Variants in RBFOX1 observed in about 807,000 individuals in gnomAD.
The protein encoded by RBFOX1 is RNA binding protein fox-1 homolog 1.
Under a neutral mutation model 57.7 loss-of-function variants are expected in RBFOX1, and 8 were observed. That is an observed-to-expected ratio of 0.14 (90% CI 0.08 to 0.25). The LOEUF is 0.25. Among genes scored for constraint, RBFOX1 ranks in the 10% least tolerant of loss-of-function variants. The pLI is 1.00. For synonymous variants in RBFOX1, 326 were observed against 222.4 expected (o/e 1.47, Z -4.15); for missense variants, 611 against 548.5 (o/e 1.11, Z -1.14).
intron 3 of RBFOX1, among the ~76,000 whole-genome samples, chr16:6,965,549 C>G (rs1226141571): frequency 2.0e-5 from 3 of 152,112 alleles, no homozygotes; most frequent in African/African-American, 4.8e-5. Flanking sequence ...GTTGGCCAGG[C>G]TGGTGTCAAA....
chr16:5,985,287 C>T lies in RBFOX1; in HGVS notation c.351+117952C>T, dbSNP rs116121536. On this transcript the variant is annotated intron_variant, in intron 4 of 19. Transcript: ENST00000641259. ...GATTACAGGCATGAGTCATCATGTC[C>T]GGCCAACTCCATCATAATCTTATGG... Among the ~76,000 whole-genome samples the T allele has an allele frequency of 4.6e-3, 695 of 151,260 alleles. 8 individuals are homozygous for T. Among genetic ancestry groups the T allele is most frequent in the African/African-American group, 0.016 (678 of 41,282 alleles).
chr16:5,801,952 C>T (rs779663627), intron 3 of RBFOX1, among the ~76,000 whole-genome samples: 1 of 152,080 alleles, frequency 6.6e-6, no homozygotes, highest in Admixed American at 6.5e-5. Flanking sequence ...GAGGGTTGGA[C>T]GTGTGTGCTT....
chr16:6,366,562 G>A (rs377117746), intron 2 of RBFOX1, among the ~76,000 whole-genome samples: 2 of 152,190 alleles, frequency 1.3e-5, no homozygotes, highest in African/African-American at 4.8e-5. Context: ...CTTCAAGGGG[G>A]TGAGGATGGC....
At chr16:7,189,440 A>C in intron 4 of RBFOX1, among the ~76,000 whole-genome samples, 1 of 148,098 alleles carries the variant, frequency 6.8e-6, no homozygotes, top group African/African-American at 2.5e-5. Flanking sequence ...AAAAAAAAAA[A>C]AAAAAAAAGG....
intron 1 of RBFOX1, among the ~76,000 whole-genome samples, chr16:6,158,228 T>G (rs1336675851): frequency 1.3e-5 from 2 of 152,188 alleles, no homozygotes; most frequent in Non-Finnish European, 2.9e-5. Context: ...GGCGGGGCCT[T>G]GGACTTGTCT....
chr16:7,261,333 A>G (rs1330249883), intron 4 of RBFOX1, among the ~76,000 whole-genome samples: 3 of 152,170 alleles, frequency 2.0e-5, no homozygotes, highest in African/African-American at 7.2e-5. Context: ...TTGTGGTTAT[A>G]TCATTATCAT....
chr16:6,377,900 C>G (rs535628065), intron 2 of RBFOX1, among the ~76,000 whole-genome samples: 1 of 152,300 alleles, frequency 6.6e-6, no homozygotes, highest in South Asian at 2.1e-4. Flanking sequence ...CGGGAAAACT[C>G]TGCCCCACTC....
At chr16:6,996,575 C>G (rs1216986599) in intron 3 of RBFOX1, among the ~76,000 whole-genome samples, 1 of 152,186 alleles carries the variant, frequency 6.6e-6, no homozygotes, top group Non-Finnish European at 1.5e-5. Context: ...AACTCATTTA[C>G]TAGCCCAACG....
chr16:5,625,203 A>G (rs1014086382), intron 3 of RBFOX1, among the ~76,000 whole-genome samples: 3 of 151,598 alleles, frequency 2.0e-5, no homozygotes, highest in Non-Finnish European at 4.4e-5. Context: ...GCCCCCCAGA[A>G]CAGGGCAGGA....
intron 1 of RBFOX1, among the ~76,000 whole-genome samples, chr16:5,296,030 T>A (rs2063658688): frequency 6.6e-6 from 1 of 152,070 alleles, no homozygotes; most frequent in African/African-American, 2.4e-5. Flanking sequence ...TTGATACTGG[T>A]CATCGGTCTC....
intron 4 of RBFOX1, among the ~76,000 whole-genome samples, chr16:7,287,547 T>C (rs1433761476): frequency 6.6e-6 from 1 of 152,192 alleles, no homozygotes; most frequent in Non-Finnish European, 1.5e-5. Flanking sequence ...AGGCAAGAAG[T>C]GTTTTCAGTC....
At chr16:7,673,906 A>T (rs774912895) in intron 13 of RBFOX1, among the ~76,000 whole-genome samples, 6 of 152,178 alleles carry the variant, frequency 3.9e-5, no homozygotes, top group Non-Finnish European at 7.3e-5. Context: ...GACCAGGTTC[A>T]ACATGAACAT....
intron 1 of RBFOX1, among the ~76,000 whole-genome samples, chr16:6,080,115 G>T (rs2095977760): frequency 6.6e-6 from 1 of 152,172 alleles, no homozygotes. Flanking sequence ...AGCCATGCAG[G>T]CATATTTCCA....
chr16:6,766,248 C>G (rs751413516), intron 3 of RBFOX1, among the ~76,000 whole-genome samples: 1 of 152,204 alleles, frequency 6.6e-6, no homozygotes, highest in Non-Finnish European at 1.5e-5. Flanking sequence ...CTCTCCTTGT[C>G]ATTGTTTTTA....
intron 2 of RBFOX1, among the ~76,000 whole-genome samples, chr16:5,492,406 G>A (rs1307592218): frequency 1.3e-5 from 2 of 152,202 alleles, no homozygotes; most frequent in South Asian, 2.1e-4. Context: ...AGTTTAATGA[G>A]GGGAGAGAGT....
At chr16:6,637,101 A>ATAATATATATAAATT (rs1328206168) in intron 2 of RBFOX1, among the ~76,000 whole-genome samples, 2 of 40,104 alleles carry the variant, frequency 5.0e-5, no homozygotes, top group African/African-American at 5.7e-5. Flanking sequence ...TATTAAATAT[A>ATAATATATATAAATT]TATATTATAT....
intron 4 of RBFOX1, among the ~76,000 whole-genome samples, chr16:7,065,076 G>A (rs1009990864): frequency 3.9e-5 from 6 of 152,208 alleles, no homozygotes; most frequent in African/African-American, 1.4e-4. Flanking sequence ...GTCACAGCGT[G>A]TTACTTGGTT....
intron 4 of RBFOX1, among the ~76,000 whole-genome samples, chr16:7,180,552 TAAATG>T (rs1387279197): frequency 6.6e-6 from 1 of 152,190 alleles, no homozygotes; most frequent in East Asian, 1.9e-4. Context: ...TATGGGCTGA[TAAATG>T]AGGTGACATT....
At chr16:7,495,429 C>A (rs2068300480) in intron 4 of RBFOX1, among the ~76,000 whole-genome samples, 1 of 152,174 alleles carries the variant, frequency 6.6e-6, no homozygotes, top group African/African-American at 2.4e-5. Context: ...ATTTTACACA[C>A]CCACCAAAAG....
Sources: allele counts gnomAD v4.1 joint callset (sites outside exome capture counted in the v4.1 genomes callset), GRCh38; gene constraint gnomAD v4.1.1; transcripts MANE v1.5; gene names NCBI Gene and HGNC (gene_info 2026-07-23, HGNC 2026-07-21).